Variants in GDPD3 observed in about 807,000 individuals in gnomAD.
The protein encoded by GDPD3 is glycerophosphodiester phosphodiesterase domain containing 3, also known as lysophospholipase D GDPD3.
Under a neutral mutation model 43.7 loss-of-function variants are expected in GDPD3, and 40 were observed. That is an observed-to-expected ratio of 0.91 (90% CI 0.71 to 1.19). The LOEUF (loss-of-function observed/expected upper bound fraction) is 1.19. Among genes scored for constraint, GDPD3 ranks in the 50% most tolerant of loss-of-function variants. The pLI is 0.00. For missense variants in GDPD3, 363 were observed against 415.8 expected, an observed-to-expected ratio of 0.87 and a Z score of 1.11; for synonymous variants, 145 against 162.9, an observed-to-expected ratio of 0.89 and a Z score of 0.84.
At chr16:30,111,099 A>G (rs1006893334) in intron 7 of GDPD3, 2 of 286,192 alleles carry the variant, frequency 7.0e-6, no homozygotes, top group Non-Finnish European at 1.3e-5. Flanking sequence ...CACTGGTCTC[A>G]TTTACACATT....
chr16:30,109,049 C>G (rs931068059), intron 7 of GDPD3, among the ~76,000 whole-genome samples: 4 of 152,030 alleles, frequency 2.6e-5, no homozygotes, highest in African/African-American at 9.7e-5. Context: ...CCAGGATGGT[C>G]TCGATCTCCT....
chr16:30,108,395 A>C lies in GDPD3; in HGVS notation c.745T>G (p.Leu249Val), dbSNP rs1200608288. 6.2e-7 allele frequency: 1 copy of C among 1,613,998 alleles called. No homozygotes were observed. The highest frequency in any genetic ancestry group is 8.5e-7 in the Non-Finnish European group (1 of 1,179,994). Residue 249 changes from leucine (L) to valine (V), a missense_variant, in exon 8 of 10, where the codon TTA becomes GTA. By Grantham distance (32) the Leu-to-Val change is conservative. Coordinates refer to ENST00000406256, the MANE Select transcript of GDPD3 (RefSeq NM_024307.3). ...CACCATTTCGAAACCACAGCCAATA[A>C]CTGGTTCAGGCAAGAGCAGGAAAAT... ...FPFSCSCLNQ[L>V]LAVVSKWLIM...
rs1276502620 is a variant in GDPD3, at chr16:30,113,261, C to A, written c.139+79G>T. 3.3e-6 allele frequency: 5 copies of A among 1,509,402 alleles called. No individual in the cohort carries two copies. The African/African-American group carries it at 6.9e-5, about 21-fold the overall frequency. The allele number at this position is 1,509,402 out of a possible 1,614,324, so 93.5% of individuals were successfully genotyped here. On this transcript the variant is annotated intron_variant, in intron 1 of 9. Coordinates refer to ENST00000406256, the MANE Select transcript of GDPD3 (RefSeq NM_024307.3). The surrounding 1 kb of genome is among the most constrained non-coding windows in gnomAD (Gnocchi z 5.9). ...CTCTCCTTCTCTCTTGGTCCCTGCC[C>A]CGTTTCTAGCATGCCCCCTTGGACC...
rs552692707 is a variant in GDPD3, at chr16:30,104,814, C to T, written c.*58G>A. 4.1e-5 allele frequency: 64 copies of T among 1,569,880 alleles called. No homozygotes were observed. In the African/African-American group the frequency reaches 4.5e-4, roughly 11 times the overall value. On this transcript the variant is annotated 3_prime_UTR_variant, in exon 10 of 10. Coordinates refer to ENST00000406256, the MANE Select transcript of GDPD3 (RefSeq NM_024307.3). ...CTCACCCTCAGCACAACGATGTGATCGAAAGGCAAATATTTATTTTTCAGG... is the reference window on the plus strand; with the variant it reads ...CTCACCCTCAGCACAACGATGTGATTGAAAGGCAAATATTTATTTTTCAGG...
Position 30,108,362 on chromosome 16 carries a change from G to A in GDPD3, c.767+11C>T, listed in dbSNP as rs778917138. On this transcript the variant is annotated intron_variant, in intron 8 of 9. Coordinates refer to ENST00000406256, the MANE Select transcript of GDPD3 (RefSeq NM_024307.3). The stretch of plus-strand genomic sequence containing the variant: ...TGGGGACACGCCACCCAGCCATCTT[G>A]CCCACCTCACCATTTCGAAACCACA... 8 of 1,613,848 alleles carry A rather than the reference G, an allele frequency of 5.0e-6. No individual in the cohort carries two copies. The highest frequency in any genetic ancestry group is 2.7e-5 in the African/African-American group (2 of 74,882).
chr16:30,113,493 A>G lies in GDPD3; in HGVS notation c.-15T>C, dbSNP rs532986482. 1.3e-6 allele frequency: 2 copies of G among 1,530,762 alleles called. No individual in the cohort carries two copies. Among genetic ancestry groups the G allele is most frequent in the East Asian group, 2.4e-5 (1 of 42,224 alleles). 94.8% of individuals were successfully genotyped at this position (1,530,762 alleles called of 1,614,324 possible). ...AAAAGGCTCATGACCGTACTCCCACAGAAGCTCCTGCAGCCACACGCTCAG... is the reference window on the plus strand; with the variant it reads ...AAAAGGCTCATGACCGTACTCCCACGGAAGCTCCTGCAGCCACACGCTCAG... On this transcript the variant is annotated 5_prime_UTR_variant, in exon 1 of 10. Coordinates refer to ENST00000406256, the MANE Select transcript of GDPD3 (RefSeq NM_024307.3). This position sits in a 1 kb window ranked among gnomAD's most constrained non-coding sequence, Gnocchi z 5.9.
chr16:30,111,258 A>G (rs1274494289), intron 7 of GDPD3, 130 bp downstream of exon 7: 7 of 1,011,386 alleles, frequency 6.9e-6, no homozygotes, highest in Non-Finnish European at 1.0e-5. Flanking sequence ...GCTGGGTAAG[A>G]ACCACTGTCC....
At chr16:30,110,069 G>A (rs185325940) in intron 7 of GDPD3, among the ~76,000 whole-genome samples, 11 of 152,210 alleles carry the variant, frequency 7.2e-5, no homozygotes, top group African/African-American at 2.6e-4. Context: ...GGTACCATGG[G>A]AGTCATGATT....
intron 7 of GDPD3, among the ~76,000 whole-genome samples, chr16:30,109,674 G>C (rs1056465431): frequency 6.6e-6 from 1 of 151,754 alleles, no homozygotes; most frequent in Non-Finnish European, 1.5e-5. Flanking sequence ...GGATGGTGGT[G>C]CATGCCTGTA....
At chr16:30,105,677 CT>C (rs1392331284) in intron 9 of GDPD3, among the ~76,000 whole-genome samples, 2 of 149,834 alleles carry the variant, frequency 1.3e-5, no homozygotes, top group African/African-American at 4.9e-5. Context: ...GCTAATTTTT[CT>C]GTTTTTAGTA....
chr16:30,104,921 G>A lies in GDPD3; in HGVS notation c.908C>T (p.Ala303Val). 6.2e-7 allele frequency: 1 copy of A among 1,612,740 alleles called. No individual in the cohort carries two copies. Among genetic ancestry groups the A allele is most frequent in the African/African-American group, 1.3e-5 (1 of 75,008 alleles). Residue 303 changes from alanine to valine, a missense_variant, in exon 10 of 10, where the codon GCC becomes GTC. By Grantham distance (64) the Ala-to-Val change is moderately conservative (BLOSUM62 0). Coordinates refer to ENST00000406256, the MANE Select transcript of GDPD3 (RefSeq NM_024307.3). The stretch of plus-strand genomic sequence containing the variant: ...ATGGTTGTCCAGGTAGTGCCGCAGG[G>A]CTGTGGGATAATCCGTTATGACGCC... ...ATGVITDYPT[A>V]LRHYLDNHGP...
chr16:30,109,902 A>T (rs924228214), intron 7 of GDPD3, among the ~76,000 whole-genome samples: 1 of 152,002 alleles, frequency 6.6e-6, no homozygotes, highest in Admixed American at 6.6e-5. Flanking sequence ...TAGTGGGACG[A>T]CCCCTAATTA....
chr16:30,107,191 C>T (rs1333532425), intron 9 of GDPD3, among the ~76,000 whole-genome samples: 2 of 152,056 alleles, frequency 1.3e-5, no homozygotes, highest in Admixed American at 6.6e-5. Context: ...ACTGCACCCT[C>T]GAAACCCCGT....
At position 30,108,284 on chromosome 16, in the gene GDPD3, G is replaced by A. The variant is rs771497172; in HGVS notation, c.768-20C>T. 2.0e-5 allele frequency: 32 copies of A among 1,612,918 alleles called. No individual in the cohort carries two copies. Among genetic ancestry groups the A allele is most frequent in the East Asian group, 1.8e-4 (8 of 44,790 alleles). ...ATCAGCCTGGGGGTGGGGTGGGGACGTGGGAGGTGATGATGAGAGGGGACC... is the reference window on the plus strand; with the variant it reads ...ATCAGCCTGGGGGTGGGGTGGGGACATGGGAGGTGATGATGAGAGGGGACC... On this transcript the variant is annotated intron_variant, in intron 8 of 9. Coordinates refer to ENST00000406256, the MANE Select transcript of GDPD3 (RefSeq NM_024307.3).
intron 9 of GDPD3, among the ~76,000 whole-genome samples, chr16:30,107,165 A>G (rs546100908): frequency 6.6e-6 from 1 of 152,010 alleles, no homozygotes; most frequent in Non-Finnish European, 1.5e-5. Flanking sequence ...CAGTGGCGTG[A>G]TTCTGATTAT....
intron 7 of GDPD3, among the ~76,000 whole-genome samples, chr16:30,109,903 C>A (rs779471355): frequency 1.3e-5 from 2 of 152,178 alleles, no homozygotes; most frequent in Admixed American, 6.5e-5. Context: ...AGTGGGACGA[C>A]CCCTAATTAT....
chr16:30,113,396 A>C lies in GDPD3; in HGVS notation c.83T>G (p.Leu28Arg). ...LSIFFLRRPH[L>R]LHTPRAPTFR... ...GGTGGGAGCCCTGGGCGTGTGCAGC[A>C]GATGAGGCCGGCGCAGGAAGAAGAT... The change falls in exon 1 of 10, where the codon CTG becomes CGG. Residue 28 changes from leucine to arginine, a missense_variant. Physicochemically the swap from Leu to Arg is moderately radical, Grantham distance 102. Coordinates refer to ENST00000406256, the MANE Select transcript of GDPD3 (RefSeq NM_024307.3). This position sits in a 1 kb window ranked among gnomAD's most constrained non-coding sequence, Gnocchi z 5.9. 1.2e-6 allele frequency: 2 copies of C among 1,612,518 alleles called. No homozygotes were observed. The highest frequency in any genetic ancestry group is 1.7e-6 in the Non-Finnish European group (2 of 1,179,070).
rs1596869949 is a variant in GDPD3, at chr16:30,108,267, G to A, written c.768-3C>T. 2 of 1,612,646 alleles carry A rather than the reference G, an allele frequency of 1.2e-6. No homozygotes were observed. Among genetic ancestry groups the A allele is most frequent in the African/African-American group, 2.7e-5 (2 of 74,904 alleles). On this transcript the variant is annotated splice_polypyrimidine_tract_variant and splice_region_variant and intron_variant, in intron 8 of 9. Coordinates refer to ENST00000406256, the MANE Select transcript of GDPD3 (RefSeq NM_024307.3). ...TCAGACTCTTCCTCATGATCAGCCT[G>A]GGGGTGGGGTGGGGACGTGGGAGGT...
chr16:30,111,189 A>AAT, intron 7 of GDPD3, 199 bp downstream of exon 7: 2 of 598,154 alleles, frequency 3.3e-6, no homozygotes, highest in Non-Finnish European at 5.9e-6. Context: ...TCTCTATCCT[A>AAT]AAACTCCACA....
Sources: allele counts gnomAD v4.1 joint callset (sites outside exome capture counted in the v4.1 genomes callset), GRCh38; gene constraint gnomAD v4.1.1; non-coding constraint Gnocchi (gnomAD v3.1); transcripts MANE v1.5; gene names NCBI Gene and HGNC (gene_info 2026-07-23, HGNC 2026-07-21).